Variants in MRPS28 observed in about 807,000 individuals in gnomAD.
MRPS28 encodes small ribosomal subunit protein bS1m.
Under a neutral mutation model 10.8 loss-of-function variants are expected in MRPS28, and 7 were observed. The ratio of observed to expected loss-of-function variants is 0.65; its 90% confidence interval spans 0.37 to 1.22. The LOEUF (loss-of-function observed/expected upper bound fraction) is 1.22, where lower values mean the gene tolerates loss of function less well. Among genes scored for constraint, MRPS28 ranks in the 50% most tolerant of loss-of-function variants. The pLI is 0.02. For missense variants in MRPS28, 265 were observed against 232.9 expected (o/e 1.14, Z -0.90); for synonymous variants, 121 against 93.3 (o/e 1.30, Z -1.71).
chr8:79,932,682 T>C (rs896545969), intron 2 of MRPS28, among the ~76,000 whole-genome samples: 3 of 152,128 alleles, frequency 2.0e-5, no homozygotes, highest in Non-Finnish European at 4.4e-5. Context: ...GGGACAAGGA[T>C]GGAAAGACAC....
chr8:79,961,056 C>T (rs1807360973), intron 2 of MRPS28, among the ~76,000 whole-genome samples: 1 of 151,628 alleles, frequency 6.6e-6, no homozygotes, highest in Non-Finnish European at 1.5e-5. Context: ...AATCTTTAGA[C>T]CCAAGGCCCA....
At chr8:79,927,330 T>C (rs1412741662) in intron 2 of MRPS28, among the ~76,000 whole-genome samples, 1 of 152,124 alleles carries the variant, frequency 6.6e-6, no homozygotes, top group Non-Finnish European at 1.5e-5. Flanking sequence ...AAGAGTCAAG[T>C]TTTGGCTTGA....
chr8:79,976,280 T>C (rs963301402), intron 2 of MRPS28, among the ~76,000 whole-genome samples: 3 of 152,082 alleles, frequency 2.0e-5, no homozygotes, highest in African/African-American at 7.2e-5. Flanking sequence ...ACAGGGTTTC[T>C]CCATGTTGAT....
At chr8:79,991,505 C>T (rs1808360503) in intron 2 of MRPS28, among the ~76,000 whole-genome samples, 1 of 151,992 alleles carries the variant, frequency 6.6e-6, no homozygotes, top group African/African-American at 2.4e-5. Context: ...TTTTAGATAC[C>T]TAGAATCACA....
intron 2 of MRPS28, among the ~76,000 whole-genome samples, chr8:79,920,105 A>C (rs1369258041): frequency 6.6e-6 from 1 of 151,986 alleles, no homozygotes; most frequent in South Asian, 2.1e-4. Context: ...CCATGTCCCT[A>C]CAAAGGACAT....
intron 2 of MRPS28, among the ~76,000 whole-genome samples, chr8:79,989,414 C>T (rs1808292308): frequency 6.6e-6 from 1 of 151,984 alleles, no homozygotes; most frequent in African/African-American, 2.4e-5. Context: ...GACATAGAAG[C>T]AAAGAACAGA....
chr8:79,958,229 T>C (rs2129994440), intron 2 of MRPS28: 1 of 576,858 alleles, frequency 1.7e-6, no homozygotes, highest in East Asian at 3.0e-5. Flanking sequence ...TTGTCTATTC[T>C]GAACATTTCA....
chr8:80,011,623 T>C (rs1375320087), intron 1 of MRPS28, among the ~76,000 whole-genome samples: 1 of 151,878 alleles, frequency 6.6e-6, no homozygotes, highest in Admixed American at 6.6e-5. Context: ...CATGGTGGCA[T>C]GTGCCTGTAA....
At chr8:79,930,558 C>T (rs1342000704) in intron 2 of MRPS28, among the ~76,000 whole-genome samples, 1 of 152,158 alleles carries the variant, frequency 6.6e-6, no homozygotes, top group Non-Finnish European at 1.5e-5. Context: ...CATATGTGCT[C>T]CTTAACCTGG....
intron 2 of MRPS28, among the ~76,000 whole-genome samples, chr8:79,963,516 T>C (rs1274864863): frequency 6.6e-6 from 1 of 152,132 alleles, no homozygotes; most frequent in Non-Finnish European, 1.5e-5. Context: ...ATTTAGCCTA[T>C]GATTACCCCC....
chr8:80,011,564 G>A (rs1255851717), intron 1 of MRPS28, among the ~76,000 whole-genome samples: 1 of 151,932 alleles, frequency 6.6e-6, no homozygotes, highest in African/African-American at 2.4e-5. Flanking sequence ...GACCAGCCTG[G>A]CCAACACGGT....
chr8:79,989,003 G>A (rs566188083), intron 2 of MRPS28, among the ~76,000 whole-genome samples: 3 of 152,170 alleles, frequency 2.0e-5, no homozygotes, highest in Non-Finnish European at 1.5e-5. Context: ...TCTGAGAAGG[G>A]AATAGCCAAT....
intron 1 of MRPS28, chr8:80,029,691 A>C: frequency 7.4e-7 from 1 of 1,349,816 alleles, no homozygotes. Flanking sequence ...TCTCCGTGTG[A>C]GTCCCATTCT....
chr8:79,948,988 A>ATT (rs1807006638), intron 2 of MRPS28, among the ~76,000 whole-genome samples: 1 of 152,210 alleles, frequency 6.6e-6, no homozygotes, highest in Non-Finnish European at 1.5e-5. Context: ...ATGAGTCAAT[A>ATT]AAGAGTGGGA....
chr8:79,947,840 T>C (rs1286739580), intron 2 of MRPS28, among the ~76,000 whole-genome samples: 4 of 151,322 alleles, frequency 2.6e-5, no homozygotes, highest in African/African-American at 9.7e-5. Context: ...GGTTTCACCG[T>C]GTTAGCCGGG....
intron 2 of MRPS28, among the ~76,000 whole-genome samples, chr8:79,945,481 C>T (rs1806889653): frequency 6.6e-6 from 1 of 152,246 alleles, no homozygotes; most frequent in South Asian, 2.1e-4. Context: ...GATTAGACCC[C>T]CATAGCAAAC....
chr8:80,005,220 T>G (rs1020058238), intron 1 of MRPS28, among the ~76,000 whole-genome samples: 2 of 152,130 alleles, frequency 1.3e-5, no homozygotes, highest in African/African-American at 4.8e-5. Context: ...GAAAAAATGT[T>G]AAGGGCAGCC....
intron 1 of MRPS28, among the ~76,000 whole-genome samples, chr8:80,004,235 CA>C (rs1255918410): frequency 1.3e-5 from 2 of 152,204 alleles, no homozygotes; most frequent in African/African-American, 4.8e-5. Context: ...GAGGCACCCC[CA>C]AGTAGGGGCA....
intron 2 of MRPS28, among the ~76,000 whole-genome samples, chr8:79,982,816 A>G (rs1056961240): frequency 6.6e-6 from 1 of 152,218 alleles, no homozygotes; most frequent in African/African-American, 2.4e-5. Context: ...CTGCCTTTGT[A>G]GGCTCCACCT....
Sources: gnomAD v4.1 joint callset for allele counts (sites outside exome capture counted in the v4.1 genomes callset) on GRCh38, gnomAD v4.1.1 for gene constraint, MANE v1.5 for transcripts, NCBI Gene and HGNC (gene_info 2026-07-23, HGNC 2026-07-21) for gene names.